The following KIF26B variants were observed in gnomAD, a reference collection of about 807,000 sequenced individuals.
KIF26B encodes the protein kinesin family member 26B.
Under a neutral mutation model 151.2 loss-of-function variants are expected in KIF26B, and 63 were observed. The observed-to-expected ratio is 0.42, with a 90% CI of 0.34 to 0.51. The LOEUF (loss-of-function observed/expected upper bound fraction) is 0.51. Ranked by LOEUF, KIF26B falls within the 20% of genes least tolerant of loss-of-function variation. The probability of loss-of-function intolerance (pLI) is 0.07; values close to 1 mark genes in which losing one functional copy is unlikely to be tolerated. For missense variants in KIF26B, 2,813 were observed against 2,913.6 expected, an observed-to-expected ratio of 0.97 and a Z score of 0.79; for synonymous variants, 1,357 against 1,262.1, an observed-to-expected ratio of 1.08 and a Z score of -1.59.
At chr1:245,342,306 C>T (rs142049124) in intron 2 of KIF26B, among the ~76,000 whole-genome samples, 2 of 152,270 alleles carry the variant, frequency 1.3e-5, no homozygotes, top group African/African-American at 4.8e-5. Context: ...AAGTGAGCCG[C>T]GTGGTTTTCT....
intron 4 of KIF26B, among the ~76,000 whole-genome samples, chr1:245,431,895 C>T (rs931987822): frequency 1.3e-5 from 2 of 152,172 alleles, no homozygotes; most frequent in African/African-American, 4.8e-5. Flanking sequence ...CACCATCTGT[C>T]CCCTGCCCTC....
At chr1:245,465,050 C>T (rs1380340578) in intron 4 of KIF26B, among the ~76,000 whole-genome samples, 1 of 145,144 alleles carries the variant, frequency 6.9e-6, no homozygotes, top group South Asian at 2.2e-4. Flanking sequence ...GCGATCTCGG[C>T]TCACTGCAAG....
intron 2 of KIF26B, among the ~76,000 whole-genome samples, chr1:245,256,100 G>C (rs1370973795): frequency 6.6e-6 from 1 of 152,124 alleles, no homozygotes; most frequent in African/African-American, 2.4e-5. Flanking sequence ...GCTGGAAAGG[G>C]CCGGGATTTG....
At chr1:245,171,468 C>T (rs140494909) in intron 2 of KIF26B, among the ~76,000 whole-genome samples, 3,087 of 152,080 alleles carry the variant, frequency 0.02, 97 homozygotes, top group African/African-American at 0.07. Flanking sequence ...TGCTTGAACC[C>T]GGGAGGTGGA....
At chr1:245,193,014 G>C (rs145480213) in intron 2 of KIF26B, among the ~76,000 whole-genome samples, 2 of 152,170 alleles carry the variant, frequency 1.3e-5, no homozygotes, top group African/African-American at 4.8e-5. Flanking sequence ...GTACCCAATA[G>C]GTAGTTTTTG....
chr1:245,274,571 A>G (rs1445375045), intron 2 of KIF26B, among the ~76,000 whole-genome samples: 4 of 151,172 alleles, frequency 2.6e-5, no homozygotes, highest in Non-Finnish European at 5.9e-5. Flanking sequence ...ACCTTTTTTT[A>G]TGGCTGCATA....
At chr1:245,526,081 G>A (rs1449952806) in intron 4 of KIF26B, among the ~76,000 whole-genome samples, 1 of 152,130 alleles carries the variant, frequency 6.6e-6, no homozygotes, top group African/African-American at 2.4e-5. Context: ...AACAGGGCCT[G>A]GTTTCTTTAC....
chr1:245,517,807 C>T (rs913791755), intron 4 of KIF26B, among the ~76,000 whole-genome samples: 5 of 150,356 alleles, frequency 3.3e-5, no homozygotes, highest in Non-Finnish European at 7.4e-5. Flanking sequence ...GGCGTTTGGG[C>T]AGAGGAATTG....
intron 4 of KIF26B, among the ~76,000 whole-genome samples, chr1:245,479,803 T>A (rs1435569902): frequency 6.6e-6 from 1 of 151,792 alleles, no homozygotes; most frequent in Non-Finnish European, 1.5e-5. Flanking sequence ...GTTGCAAATC[T>A]GAGGGAGTTC....
intron 4 of KIF26B, among the ~76,000 whole-genome samples, chr1:245,444,086 C>A (rs573569517): frequency 7.0e-6 from 1 of 142,520 alleles, no homozygotes; most frequent in East Asian, 2.4e-4. Context: ...TCACTGTTCA[C>A]CCTGCGGTCA....
chr1:245,257,771 C>T (rs1292768196), intron 2 of KIF26B, among the ~76,000 whole-genome samples: 4 of 152,188 alleles, frequency 2.6e-5, no homozygotes, highest in African/African-American at 9.6e-5. Context: ...CCCGTAATCC[C>T]AGCACTTTGG....
chr1:245,314,313 G>C (rs948851768), intron 2 of KIF26B, among the ~76,000 whole-genome samples: 1 of 152,228 alleles, frequency 6.6e-6, no homozygotes, highest in South Asian at 2.1e-4. Flanking sequence ...TTAGCCAGGC[G>C]TGGTGGTGGG....
intron 10 of KIF26B, among the ~76,000 whole-genome samples, chr1:245,672,263 AGGAGCAG>A (rs1164498917): frequency 1.3e-5 from 2 of 152,224 alleles, no homozygotes; most frequent in South Asian, 2.1e-4. Context: ...ACCACTGGTC[AGGAGCAG>A]GGAGCAGGGG....
chr1:245,522,001 C>T (rs978890131), intron 4 of KIF26B, among the ~76,000 whole-genome samples: 2 of 151,684 alleles, frequency 1.3e-5, no homozygotes, highest in Non-Finnish European at 2.9e-5. Flanking sequence ...TCCCAAGTAG[C>T]TGGGACTACA....
chr1:245,623,885 T>G (rs2043692565), intron 9 of KIF26B, among the ~76,000 whole-genome samples: 1 of 152,174 alleles, frequency 6.6e-6, no homozygotes. Flanking sequence ...GCACAAGTCT[T>G]TGTATGGTTA....
At chr1:245,286,703 T>C (rs761724840) in intron 2 of KIF26B, among the ~76,000 whole-genome samples, 2 of 152,208 alleles carry the variant, frequency 1.3e-5, no homozygotes, top group Non-Finnish European at 2.9e-5. Context: ...AAAGATAAAT[T>C]AGGTGGTGGC....
intron 2 of KIF26B, among the ~76,000 whole-genome samples, chr1:245,162,238 C>A (rs1165205512): frequency 6.6e-6 from 1 of 152,178 alleles, no homozygotes; most frequent in Non-Finnish European, 1.5e-5. Flanking sequence ...TTTTACCACT[C>A]TCTGCAGTCA....
chr1:245,515,213 C>A (rs573739560), intron 4 of KIF26B, among the ~76,000 whole-genome samples: 1 of 152,258 alleles, frequency 6.6e-6, no homozygotes, highest in African/African-American at 2.4e-5. Flanking sequence ...CTCAGCACGA[C>A]GGGTCCTCCT....
intron 4 of KIF26B, among the ~76,000 whole-genome samples, chr1:245,425,418 T>C (rs886229633): frequency 1.3e-5 from 2 of 152,202 alleles, no homozygotes; most frequent in African/African-American, 4.8e-5. Context: ...TTGTTTTTGT[T>C]TTTTTTGAGA....
Sources: gnomAD v4.1 joint callset for allele counts (sites outside exome capture counted in the v4.1 genomes callset) on GRCh38, gnomAD v4.1.1 for gene constraint, MANE v1.5 for transcripts, NCBI Gene and HGNC (gene_info 2026-07-23, HGNC 2026-07-21) for gene names.